CTPS2: variants seen among roughly 807,000 people sequenced by gnomAD.
The protein encoded by CTPS2 is CTP synthase II.
CTPS2 carries 19 observed loss-of-function variants against 46.8 expected under a neutral mutation model. The observed-to-expected ratio is 0.41, with a 90% CI of 0.28 to 0.60. CTPS2 has a LOEUF of 0.60. Among genes scored for constraint, CTPS2 ranks in the 20% least tolerant of loss-of-function variants. The probability of loss-of-function intolerance (pLI) is 0.35; values close to 1 mark genes in which losing one functional copy is unlikely to be tolerated. For synonymous variants in CTPS2, 151 were observed against 165.2 expected (o/e 0.91, Z 0.66); for missense variants, 286 against 447.6 (o/e 0.64, Z 3.26).
intron 4 of CTPS2, among the ~76,000 whole-genome samples, chrX:16,697,796 T>C (rs1326875050): frequency 8.9e-6 from 1 of 111,865 alleles, no homozygotes; most frequent in Non-Finnish European, 1.9e-5. Context: ...CGCTACCATC[T>C]GACTTCCCTA....
chrX:16,621,987 G>A (rs2147206583), intron 14 of CTPS2, among the ~76,000 whole-genome samples: 1 of 111,404 alleles, frequency 9.0e-6, no homozygotes, highest in South Asian at 3.8e-4. Flanking sequence ...GAGTTCCTTT[G>A]AGAGAATGCG....
intron 14 of CTPS2, among the ~76,000 whole-genome samples, chrX:16,627,509 C>T (rs942257525): frequency 4.5e-5 from 5 of 112,129 alleles, no homozygotes; most frequent in Non-Finnish European, 9.4e-5. Flanking sequence ...GTTCTTGATA[C>T]AACTACCAGC....
intron 2 of CTPS2, among the ~76,000 whole-genome samples, chrX:16,699,952 T>G (rs1924425516): frequency 9.1e-6 from 1 of 109,930 alleles, no homozygotes; most frequent in Non-Finnish European, 1.9e-5. Flanking sequence ...TGTTTTTTTT[T>G]GAGACAGAGT....
At chrX:16,598,761 A>G (rs1252006017) in intron 17 of CTPS2, among the ~76,000 whole-genome samples, 1 of 111,411 alleles carries the variant, frequency 9.0e-6, no homozygotes, top group Non-Finnish European at 1.9e-5. Context: ...ACCAAAAAAG[A>G]GAATTTTAGA....
Position 16,634,987 on chromosome X carries a change from A to G in CTPS2, c.1393+4160T>C, listed in dbSNP as rs781503610. Among the ~76,000 whole-genome samples the G allele has an allele frequency of 4.6e-5, 5 of 109,568 alleles. No homozygotes were observed. The East Asian group carries it at 1.4e-3, about 31-fold the overall frequency. On this transcript the variant is annotated intron_variant, in intron 14 of 18. Coordinates refer to ENST00000359276, the MANE Select transcript of CTPS2 (RefSeq NM_175859.3). ...AAAAAAAAAAAGGCTCACTCTAGTC[A>G]TCCATCCACTGCGGCTATCAATATC... is the stretch of plus-strand genomic sequence containing the variant.
intron 17 of CTPS2, among the ~76,000 whole-genome samples, chrX:16,602,971 A>G (rs772881440): frequency 9.2e-4 from 102 of 111,413 alleles, no homozygotes; most frequent in Non-Finnish European, 1.3e-3. Context: ...GGCTTCTTTG[A>G]CCTTGGAAAA....
At chrX:16,703,316 C>T (rs1008747051) in intron 1 of CTPS2, among the ~76,000 whole-genome samples, 1 of 107,810 alleles carries the variant, frequency 9.3e-6, no homozygotes, top group Non-Finnish European at 1.9e-5. Flanking sequence ...CATGAGCCAC[C>T]GCACCTAGCT....
At chrX:16,651,395 C>G (rs1458585559) in intron 13 of CTPS2, among the ~76,000 whole-genome samples, 1 of 111,715 alleles carries the variant, frequency 9.0e-6, no homozygotes, top group African/African-American at 3.3e-5. Flanking sequence ...GAAGCAATGC[C>G]AAGTTATGCC....
intron 13 of CTPS2, among the ~76,000 whole-genome samples, chrX:16,662,164 C>G (rs773590387): frequency 2.7e-5 from 3 of 110,701 alleles, no homozygotes; most frequent in Non-Finnish European, 5.7e-5. Context: ...AAGTCAGCAA[C>G]AGCTACGCTC....
chrX:16,670,689 A>G lies in CTPS2; in HGVS notation c.1095-15T>C. ...CAAGAATACCACTGAAATCAATACA[A>G]AATGAGGGTAAACTTGACTATCCAT... On this transcript the variant is annotated splice_polypyrimidine_tract_variant and intron_variant, in intron 10 of 18. Transcript: ENST00000359276. 1 of 1,117,273 alleles carries G rather than the reference A, an allele frequency of 9.0e-7. No individual in the cohort carries two copies. The highest frequency in any genetic ancestry group is 1.2e-6 in the Non-Finnish European group (1 of 823,256). The allele number at this position is 1,117,273 out of a possible 1,213,427, so 92.1% of individuals were successfully genotyped here. A position where few individuals can be genotyped will look rare whatever the true frequency, so the allele number is the denominator to read the frequency against.
At chrX:16,621,890 T>C (rs1452031047) in intron 14 of CTPS2, among the ~76,000 whole-genome samples, 2 of 111,273 alleles carry the variant, frequency 1.8e-5, no homozygotes, top group African/African-American at 6.5e-5. Context: ...ATTCTGTCCA[T>C]ATAGACTGAG....
chrX:16,595,306 T>A (rs2147158955), intron 17 of CTPS2, among the ~76,000 whole-genome samples: 1 of 111,327 alleles, frequency 9.0e-6, no homozygotes, highest in South Asian at 3.8e-4. Context: ...AGAGAGGAAA[T>A]TTTTAATTAA....
chrX:16,620,559 T>C (rs768109293), intron 14 of CTPS2, among the ~76,000 whole-genome samples: 2 of 112,349 alleles, frequency 1.8e-5, no homozygotes, highest in African/African-American at 6.5e-5. Context: ...CACCATTGCA[T>C]AAAAGGAAGC....
chrX:16,706,870 A>C (rs1404852097), intron 1 of CTPS2, among the ~76,000 whole-genome samples: 1 of 107,372 alleles, frequency 9.3e-6, no homozygotes, highest in Non-Finnish European at 1.9e-5. Context: ...TCAAAAAAAA[A>C]ACAAACAAAC....
intron 14 of CTPS2, among the ~76,000 whole-genome samples, chrX:16,635,605 C>T (rs1305405617): frequency 1.4e-4 from 15 of 109,403 alleles, no homozygotes; most frequent in Admixed American, 1.4e-3. Context: ...ACCTGGGAGA[C>T]GGAGGTTGCA....
chrX:16,653,363 G>A (rs1363899744), intron 13 of CTPS2, among the ~76,000 whole-genome samples: 1 of 112,246 alleles, frequency 8.9e-6, no homozygotes, highest in African/African-American at 3.2e-5. Context: ...TGGTCCCAGA[G>A]CAGCAGCATT....
chrX:16,654,939 T>C (rs1423176754), intron 13 of CTPS2, among the ~76,000 whole-genome samples: 2 of 110,988 alleles, frequency 1.8e-5, no homozygotes, highest in African/African-American at 3.3e-5. Flanking sequence ...AGGGCCAAGA[T>C]AGCTCTGTGA....
intron 10 of CTPS2, among the ~76,000 whole-genome samples, chrX:16,674,442 C>T (rs1233790865): frequency 1.8e-5 from 2 of 110,778 alleles, no homozygotes; most frequent in African/African-American, 6.5e-5. Context: ...GGATTACAGG[C>T]GTAAGCCACC....
chrX:16,655,203 G>T (rs1932788313), intron 13 of CTPS2, among the ~76,000 whole-genome samples: 1 of 112,304 alleles, frequency 8.9e-6, no homozygotes, highest in African/African-American at 3.2e-5. Flanking sequence ...CTTAATGAAT[G>T]ACCCTCGACG....
Sources: gnomAD v4.1 joint callset for allele counts (sites outside exome capture counted in the v4.1 genomes callset) on GRCh38, gnomAD v4.1.1 for gene constraint, MANE v1.5 for transcripts, NCBI Gene and HGNC (gene_info 2026-07-23, HGNC 2026-07-21) for gene names.